Variants in MAP2K5 observed in about 807,000 individuals in gnomAD.
MAP2K5 encodes dual specificity mitogen-activated protein kinase kinase 5.
In MAP2K5, 49 loss-of-function variants were observed where a neutral mutation model predicts 83.1. The observed-to-expected ratio is 0.59, with a 90% confidence interval of 0.47 to 0.75. The LOEUF (loss-of-function observed/expected upper bound fraction) is 0.75, where lower values mean the gene tolerates loss of function less well. Ranked by LOEUF, MAP2K5 falls within the 30% of genes least tolerant of loss-of-function variation. MAP2K5 has a pLI of 0.00. For missense variants in MAP2K5, 457 were observed against 557.5 expected (o/e 0.82, Z 1.82); for synonymous variants, 202 against 191.8 (o/e 1.05, Z -0.44).
intron 21 of MAP2K5, among the ~76,000 whole-genome samples, chr15:67,798,115 A>G (rs2090636620): frequency 6.6e-6 from 1 of 152,216 alleles, no homozygotes; most frequent in South Asian, 2.1e-4. Context: ...TTGAATATCT[A>G]GACACTTGTC....
At chr15:67,607,601 C>G (rs963833793) in intron 8 of MAP2K5, among the ~76,000 whole-genome samples, 3 of 152,164 alleles carry the variant, frequency 2.0e-5, no homozygotes, top group African/African-American at 7.2e-5. Context: ...CCCGAATTAA[C>G]TATTATTGAA....
At chr15:67,727,984 T>A in intron 17 of MAP2K5, 39 bp downstream of exon 17, 1 of 1,566,310 alleles carries the variant, frequency 6.4e-7, no homozygotes, top group Non-Finnish European at 8.8e-7. Flanking sequence ...ACTGTGACAT[T>A]CATTCCTATG....
chr15:67,711,537 C>G (rs574217075), intron 16 of MAP2K5, among the ~76,000 whole-genome samples: 1 of 152,170 alleles, frequency 6.6e-6, no homozygotes, highest in Non-Finnish European at 1.5e-5. Flanking sequence ...AAGGAATTAC[C>G]GTTTGAAATG....
In MAP2K5 at chr15:67,749,609, A is replaced by T. The variant is rs548882330; in HGVS notation, c.1134+1008A>T. ...AAACACACACACACATATCACAATA[A>T]TAGTAAGAGTGGGGCTCTAACATCC... is the stretch of plus-strand genomic sequence containing the variant. On this transcript the variant is annotated intron_variant, in intron 19 of 21. Coordinates refer to ENST00000178640, the MANE Select transcript of MAP2K5 (RefSeq NM_145160.3). This position sits in a 1 kb window ranked among gnomAD's most constrained non-coding sequence, Gnocchi z 4.6. Among the ~76,000 whole-genome samples, 125 of 152,316 alleles carry T rather than the reference A, an allele frequency of 8.2e-4. 1 individual carries two copies. The highest frequency in any genetic ancestry group is 3.0e-3 in the African/African-American group (123 of 41,568).
chr15:67,625,677 G>T (rs570248818), intron 8 of MAP2K5, among the ~76,000 whole-genome samples: 5 of 152,264 alleles, frequency 3.3e-5, no homozygotes, highest in Admixed American at 3.3e-4. Flanking sequence ...CTCATGCCTG[G>T]CATTGCCTTT....
chr15:67,569,633 T>G (rs2084911153), intron 3 of MAP2K5, among the ~76,000 whole-genome samples: 1 of 152,164 alleles, frequency 6.6e-6, no homozygotes, highest in Non-Finnish European at 1.5e-5. Flanking sequence ...TGGAGCCTGT[T>G]TGGTAGCAAG....
rs915804636 is a variant in MAP2K5 at position 67,587,359 on chromosome 15, CT to C, written c.431+450del. On this transcript the variant is annotated intron_variant, in intron 6 of 21. Transcript: ENST00000178640. The surrounding 1 kb of genome is among the most constrained non-coding windows in gnomAD (Gnocchi z 4.8). Reference sequence around the variant, plus strand: ...TAGGCCCTGTAATGTTTGAATTTTCCTTTTGGTGCACTGGCTAGCAGTTAGA... The same window carrying C: ...TAGGCCCTGTAATGTTTGAATTTTCCTTTGGTGCACTGGCTAGCAGTTAGA... Among the ~76,000 whole-genome samples, 4 of 152,092 alleles carry C rather than the reference CT, an allele frequency of 2.6e-5. No individual in the cohort carries two copies. Among genetic ancestry groups the C allele is most frequent in the African/African-American group, 9.7e-5 (4 of 41,400 alleles).
intron 3 of MAP2K5, among the ~76,000 whole-genome samples, chr15:67,578,754 T>C (rs1054379363): frequency 6.6e-6 from 1 of 152,160 alleles, no homozygotes; most frequent in African/African-American, 2.4e-5. Context: ...AAACCATTTT[T>C]ATTTATTTAT....
intron 11 of MAP2K5, among the ~76,000 whole-genome samples, chr15:67,655,680 G>A (rs2087055513): frequency 6.6e-6 from 1 of 152,084 alleles, no homozygotes; most frequent in African/African-American, 2.4e-5. Context: ...ATAATAATGT[G>A]TATAGATGTA....
At chr15:67,798,565 T>A (rs2090646399) in intron 21 of MAP2K5, among the ~76,000 whole-genome samples, 1 of 152,276 alleles carries the variant, frequency 6.6e-6, no homozygotes, top group Non-Finnish European at 1.5e-5. Flanking sequence ...ACATTTTTTT[T>A]CTCCCAGTGG....
chr15:67,646,395 C>T lies in MAP2K5; in HGVS notation c.662C>T (p.Ser221Leu), dbSNP rs1348547852. Reference sequence around the variant, plus strand: ...GTCTTATTTTTGTTACAGTGCGATTCATCATATATCATTGGATTTTATGGA... The same window carrying T: ...GTCTTATTTTTGTTACAGTGCGATTTATCATATATCATTGGATTTTATGGA... Reference protein sequence around the residue: ...SELEILYKCDSSYIIGFYGAF... With the variant: ...SELEILYKCDLSYIIGFYGAF... Residue 221 changes from serine to leucine, a missense_variant, in exon 11 of 22, where the codon TCA (serine) becomes TTA (leucine). Ser to Leu is a moderately radical substitution (Grantham distance 145). Coordinates refer to ENST00000178640, the MANE Select transcript of MAP2K5 (RefSeq NM_145160.3). 1 of 1,587,148 alleles carries T rather than the reference C, an allele frequency of 6.3e-7. No individual in the cohort carries two copies. Among genetic ancestry groups the T allele is most frequent in the African/African-American group, 1.3e-5 (1 of 74,326 alleles).
chr15:67,661,838 A>G (rs1201886623), intron 12 of MAP2K5, among the ~76,000 whole-genome samples: 1 of 152,130 alleles, frequency 6.6e-6, no homozygotes, highest in Non-Finnish European at 1.5e-5. Flanking sequence ...CTCAGAATGG[A>G]GATGATCACC....
rs1789354228 is a variant in MAP2K5, at chr15:67,640,754, A to G, written c.586-5477A>G. 5.4e-6 allele frequency: 1 copy of G among 184,980 alleles called. No homozygotes were observed. Among genetic ancestry groups the G allele is most frequent in the Admixed American group, 6.5e-5 (1 of 15,322 alleles). 11.5% of individuals were successfully genotyped at this position (184,980 alleles called of 1,614,324 possible). The stretch of plus-strand genomic sequence containing the variant: ...GTTCTTATTTTTTAGACAAAAAAGC[A>G]TATTGTAAATGTTTCCCTTTTTAGA... On this transcript the variant is annotated intron_variant, in intron 9 of 21. Transcript: ENST00000178640. This position sits in a 1 kb window ranked among gnomAD's most constrained non-coding sequence, Gnocchi z 4.6.
chr15:67,773,238 G>A (rs1332418501), intron 21 of MAP2K5, among the ~76,000 whole-genome samples: 1 of 152,140 alleles, frequency 6.6e-6, no homozygotes, highest in East Asian at 1.9e-4. Context: ...TGCGAGTGCT[G>A]TGTTCTCAGC....
chr15:67,774,481 G>T lies in MAP2K5; in HGVS notation c.1242+1729G>T, dbSNP rs769077944. On this transcript the variant is annotated intron_variant, in intron 21 of 21. Transcript: ENST00000178640. This position sits in a 1 kb window ranked among gnomAD's most constrained non-coding sequence, Gnocchi z 4.9. ...GGAACAATAGACTATATGTGAAGCTGCTGTGGTCAGAGAGTGAGCCCTGCC... is the reference window on the plus strand; with the variant it reads ...GGAACAATAGACTATATGTGAAGCTTCTGTGGTCAGAGAGTGAGCCCTGCC... Among the ~76,000 whole-genome samples the T allele has an allele frequency of 3.3e-5, 5 of 152,138 alleles. No individual in the cohort carries two copies. Among genetic ancestry groups the T allele is most frequent in the Admixed American group, 1.3e-4 (2 of 15,280 alleles).
chr15:67,671,948 T>A (rs150339140), intron 13 of MAP2K5, among the ~76,000 whole-genome samples: 2,849 of 151,682 alleles, frequency 0.019, 95 homozygotes, highest in African/African-American at 0.065. Flanking sequence ...TTACTGAGAA[T>A]GATGATTTCC....
At chr15:67,649,468 A>G (rs969481853) in intron 11 of MAP2K5, among the ~76,000 whole-genome samples, 3 of 151,852 alleles carry the variant, frequency 2.0e-5, no homozygotes, top group African/African-American at 4.8e-5. Flanking sequence ...TTTAGCTTTT[A>G]TATTTAAGCC....
At chr15:67,592,637 G>T (rs2085438874) in intron 6 of MAP2K5, among the ~76,000 whole-genome samples, 1 of 152,186 alleles carries the variant, frequency 6.6e-6, no homozygotes, top group Non-Finnish European at 1.5e-5. Flanking sequence ...AAAGGCAGTA[G>T]AACTAATGAC....
chr15:67,745,018 C>G (rs1477507847), intron 17 of MAP2K5, among the ~76,000 whole-genome samples: 1 of 151,562 alleles, frequency 6.6e-6, no homozygotes, highest in African/African-American at 2.4e-5. Flanking sequence ...TTGAATCTAA[C>G]AGCTAATGAA....
Sources: gnomAD v4.1 joint callset for allele counts (sites outside exome capture counted in the v4.1 genomes callset) on GRCh38, gnomAD v4.1.1 for gene constraint, Gnocchi (gnomAD v3.1) non-coding constraint, MANE v1.5 for transcripts, NCBI Gene and HGNC (gene_info 2026-07-23, HGNC 2026-07-21) for gene names.